CD83: variants seen among roughly 807,000 people sequenced by gnomAD.
The protein encoded by CD83 is CD83 antigen.
Under a neutral mutation model 24.6 loss-of-function variants are expected in CD83, and 22 were observed. The observed-to-expected ratio is 0.90, with a 90% confidence interval of 0.64 to 1.28. The LOEUF (loss-of-function observed/expected upper bound fraction) is 1.28, where lower values mean the gene tolerates loss of function less well. Ranked by LOEUF, CD83 falls within the 50% of genes most tolerant of loss-of-function variation. The pLI is 0.00. For synonymous variants in CD83, 101 were observed against 103.5 expected (o/e 0.98, Z 0.14); for missense variants, 253 against 252.8 (o/e 1.00, Z -0.01).
At chr6:14,134,298 G>A (rs1018772084) in intron 4 of CD83, among the ~76,000 whole-genome samples, 36 of 152,384 alleles carry the variant, frequency 2.4e-4, no homozygotes, top group African/African-American at 7.2e-4. Context: ...CTTCCGGGGT[G>A]CAGGATGGCT....
At chr6:14,133,338 C>G (rs577565826) in intron 3 of CD83, among the ~76,000 whole-genome samples, 1 of 152,262 alleles carries the variant, frequency 6.6e-6, no homozygotes, top group Non-Finnish European at 1.5e-5. Flanking sequence ...CTGTCTGGCT[C>G]AGCCGCCTTG....
At chr6:14,134,224 G>A (rs1757990148) in intron 4 of CD83, among the ~76,000 whole-genome samples, 1 of 152,188 alleles carries the variant, frequency 6.6e-6, no homozygotes, top group Admixed American at 6.5e-5. Flanking sequence ...TCTATTTTTG[G>A]TATTTCTGCC....
chr6:14,131,796 ACTTC>A, intron 3 of CD83, 48 bp downstream of exon 3: 1 of 1,292,020 alleles, frequency 7.7e-7, no homozygotes, highest in Non-Finnish European at 1.1e-6. Flanking sequence ...ATGCATGTGT[ACTTC>A]CTTTAGGTCC....
chr6:14,119,736 G>A (rs1211575420), intron 2 of CD83, among the ~76,000 whole-genome samples: 7 of 152,166 alleles, frequency 4.6e-5, no homozygotes, highest in African/African-American at 1.2e-4. Flanking sequence ...CTCAAAGAAC[G>A]GGGAAAAACA....
Position 14,128,353 on chromosome 6 carries a change from A to G in CD83, c.154-3167A>G, listed in dbSNP as rs987287178. On this transcript the variant is annotated intron_variant, in intron 2 of 4. Coordinates refer to ENST00000379153, the MANE Select transcript of CD83 (RefSeq NM_004233.4). ...CCCACCCCCATTCTGAGCATGCAAC[A>G]TTAACATAAAAACTACCACGCCTTT... is the stretch of plus-strand genomic sequence containing the variant. 2.0e-5 allele frequency among the ~76,000 whole-genome samples: 3 copies of G among 152,174 alleles called. No individual in the cohort carries two copies. The East Asian group carries it at 5.8e-4, about 29-fold the overall frequency.
chr6:14,126,189 T>G (rs188061383), intron 2 of CD83, among the ~76,000 whole-genome samples: 3 of 152,332 alleles, frequency 2.0e-5, no homozygotes, highest in African/African-American at 7.2e-5. Context: ...TTTCTCACTC[T>G]TTCTAAAATT....
chr6:14,124,194 G>A (rs1441822093), intron 2 of CD83, among the ~76,000 whole-genome samples: 1 of 152,200 alleles, frequency 6.6e-6, no homozygotes, highest in Non-Finnish European at 1.5e-5. Context: ...AGACTTGGGA[G>A]CCCAAGGCTT....
chr6:14,130,840 C>G (rs1237087630), intron 2 of CD83, among the ~76,000 whole-genome samples: 2 of 152,214 alleles, frequency 1.3e-5, no homozygotes, highest in African/African-American at 4.8e-5. Flanking sequence ...TGTTACTGCC[C>G]TTCCATGTGG....
chr6:14,118,511 G>A (rs1759597168), intron 2 of CD83, among the ~76,000 whole-genome samples: 1 of 152,138 alleles, frequency 6.6e-6, no homozygotes, highest in Admixed American at 6.5e-5. Flanking sequence ...TACATGGGAG[G>A]GGGAGGGGGC....
chr6:14,121,668 A>G (rs1215996828), intron 2 of CD83, among the ~76,000 whole-genome samples: 2 of 143,632 alleles, frequency 1.4e-5, no homozygotes, highest in Non-Finnish European at 3.1e-5. Context: ...TTCTTTGAGG[A>G]GGTATTTTGA....
chr6:14,117,751 G>T, upstream of CD83: 1 of 1,304,170 alleles, frequency 7.7e-7, no homozygotes, highest in South Asian at 1.7e-5. This position sits in a 1 kb window ranked among gnomAD's most constrained non-coding sequence, Gnocchi z 4.6. Flanking sequence ...GGCATAAAAG[G>T]GCAGCCGGCG....
At chr6:14,125,720 T>C (rs537831880) in intron 2 of CD83, among the ~76,000 whole-genome samples, 2 of 152,202 alleles carry the variant, frequency 1.3e-5, no homozygotes, top group Non-Finnish European at 2.9e-5. Context: ...ATGATTGGCA[T>C]GAACAATGAA....
Position 14,117,878 on chromosome 6 carries a change from T to G in CD83, c.37+30T>G, listed in dbSNP as rs780449249. ...GGCTCGCGAGCGCCTGTCTCGCCTG[T>G]CGCCCCCCGCCCCTCCACGACACCC... is the stretch of plus-strand genomic sequence containing the variant. On this transcript the variant is annotated intron_variant, in intron 1 of 4. Transcript: ENST00000379153. This position sits in a 1 kb window ranked among gnomAD's most constrained non-coding sequence, Gnocchi z 4.6. The G allele has an allele frequency of 1.9e-6, 3 of 1,576,730 alleles. No individual in the cohort carries two copies. The highest frequency in any genetic ancestry group is 2.6e-6 in the Non-Finnish European group (3 of 1,167,470).
chr6:14,122,046 G>A (rs914635371), intron 2 of CD83, among the ~76,000 whole-genome samples: 8 of 152,130 alleles, frequency 5.3e-5, no homozygotes, highest in Non-Finnish European at 8.8e-5. Flanking sequence ...GTGATGCTGC[G>A]GGGGTGAGGA....
intron 3 of CD83, among the ~76,000 whole-genome samples, chr6:14,133,099 A>G (rs1275192843): frequency 6.6e-6 from 1 of 152,238 alleles, no homozygotes; most frequent in Non-Finnish European, 1.5e-5. Context: ...ATGATTCTAG[A>G]AAAATCTGTT....
chr6:14,117,614 ACGGGG>A, upstream of CD83: 2 of 181,980 alleles, frequency 1.1e-5, no homozygotes, highest in Non-Finnish European at 1.8e-5. The surrounding 1 kb of genome is among the most constrained non-coding windows in gnomAD (Gnocchi z 4.6). Flanking sequence ...GGGGGCGGGG[ACGGGG>A]GCGAAGGGGG....
chr6:14,133,368 C>T (rs1007720953), intron 3 of CD83, among the ~76,000 whole-genome samples: 6 of 152,260 alleles, frequency 3.9e-5, no homozygotes, highest in Admixed American at 1.3e-4. Context: ...CCTTGACCCT[C>T]TCTGAGCCTC....
intron 3 of CD83, among the ~76,000 whole-genome samples, chr6:14,132,053 T>C (rs1017147859): frequency 3.3e-5 from 5 of 152,236 alleles, no homozygotes; most frequent in African/African-American, 1.2e-4. Flanking sequence ...CTGAAAGGAA[T>C]TGGACTTCGG....
At chr6:14,119,006 G>GC in intron 2 of CD83, among the ~76,000 whole-genome samples, 1 of 152,258 alleles carries the variant, frequency 6.6e-6, no homozygotes, top group South Asian at 2.1e-4. Flanking sequence ...GCGTTCTTCT[G>GC]CCCACCATAA....
Sources: allele counts gnomAD v4.1 joint callset (sites outside exome capture counted in the v4.1 genomes callset), GRCh38; gene constraint gnomAD v4.1.1; non-coding constraint Gnocchi (gnomAD v3.1); transcripts MANE v1.5; gene names NCBI Gene and HGNC (gene_info 2026-07-23, HGNC 2026-07-21).